Variants in MAML2 observed in about 807,000 individuals in gnomAD.
MAML2 encodes mastermind like transcriptional coactivator 2, also known as mastermind-like protein 2.
Under a neutral mutation model 96.1 loss-of-function variants are expected in MAML2, and 22 were observed. The ratio of observed to expected loss-of-function variants is 0.23; its 90% CI spans 0.16 to 0.33. MAML2 has a LOEUF of 0.33. Ranked by LOEUF, MAML2 falls within the 10% of genes least tolerant of loss-of-function variation. The probability of loss-of-function intolerance (pLI) is 1.00; values close to 1 mark genes in which losing one functional copy is unlikely to be tolerated. For synonymous variants in MAML2, 561 were observed against 521.3 expected (o/e 1.08, Z -1.04); for missense variants, 1,367 against 1,392.4 (o/e 0.98, Z 0.29).
At chr11:95,982,303 G>A (rs530945809) in intron 4 of MAML2, among the ~76,000 whole-genome samples, 6 of 146,662 alleles carry the variant, frequency 4.1e-5, no homozygotes, top group African/African-American at 9.9e-5. Flanking sequence ...ATATTCCTTC[G>A]AAACAGAGCT....
At chr11:96,141,068 A>G (rs1039981208) in intron 1 of MAML2, among the ~76,000 whole-genome samples, 1 of 152,142 alleles carries the variant, frequency 6.6e-6, no homozygotes, top group Non-Finnish European at 1.5e-5. Flanking sequence ...CATACTGTTG[A>G]CCATATCTTT....
intron 1 of MAML2, among the ~76,000 whole-genome samples, chr11:96,163,181 C>A (rs1861140526): frequency 1.3e-5 from 2 of 152,136 alleles, no homozygotes; most frequent in South Asian, 4.1e-4. Flanking sequence ...ACTGTCTCGG[C>A]AGTTTAAGTA....
At chr11:96,080,814 T>C (rs1162504375) in intron 2 of MAML2, among the ~76,000 whole-genome samples, 5 of 152,230 alleles carry the variant, frequency 3.3e-5, no homozygotes, top group Admixed American at 2.6e-4. Flanking sequence ...AGTTTTGTTC[T>C]ATCTGAAGGA....
At chr11:96,116,231 T>A (rs970515078) in intron 1 of MAML2, among the ~76,000 whole-genome samples, 12 of 152,194 alleles carry the variant, frequency 7.9e-5, no homozygotes, top group Non-Finnish European at 1.3e-4. Flanking sequence ...TGCTTTTTAT[T>A]CCTCATCAGA....
rs1190333198 is a variant in MAML2 at position 96,091,984 on chromosome 11, G to T, written c.2047C>A (p.Pro683Thr). ...AGGAGCTTTTGCTGAAGTGGCAAAG[G>T]TGACCTTAGCAAAGGCTGGCTTGGT... ...SLPSQPLLRS[P>T]LPLQQKLLLQ... The change falls in exon 2 of 5, where the codon CCT becomes ACT. Residue 683 changes from proline to threonine, a missense_variant. By Grantham distance (38) the Pro-to-Thr change is conservative. Transcript: ENST00000524717. 2.2e-5 allele frequency: 35 copies of T among 1,601,048 alleles called. No individual in the cohort carries two copies. Among genetic ancestry groups the T allele is most frequent in the Non-Finnish European group, 2.9e-5 (34 of 1,173,436 alleles).
intron 1 of MAML2, among the ~76,000 whole-genome samples, chr11:96,270,906 A>G (rs1862908271): frequency 6.6e-6 from 1 of 152,226 alleles, no homozygotes; most frequent in African/African-American, 2.4e-5. Context: ...GTGGGTAGGT[A>G]CCATCTAATC....
chr11:96,037,039 T>C (rs1365413553), intron 2 of MAML2, among the ~76,000 whole-genome samples: 1 of 152,238 alleles, frequency 6.6e-6, no homozygotes, highest in Non-Finnish European at 1.5e-5. Flanking sequence ...AGGTTGTTCC[T>C]GCACTGCCGT....
At chr11:96,321,737 G>C (rs1395132830) in intron 1 of MAML2, among the ~76,000 whole-genome samples, 1 of 152,150 alleles carries the variant, frequency 6.6e-6, no homozygotes. Flanking sequence ...TTCTGTTCTG[G>C]TCAATCATAT....
chr11:96,088,919 G>T (rs1409220876), intron 2 of MAML2, among the ~76,000 whole-genome samples: 8 of 152,016 alleles, frequency 5.3e-5, no homozygotes, highest in Non-Finnish European at 1.0e-4. Flanking sequence ...TCTATGAGGT[G>T]AACTGCAAGC....
intron 1 of MAML2, among the ~76,000 whole-genome samples, chr11:96,125,942 G>C (rs1860431279): frequency 6.6e-6 from 1 of 152,208 alleles, no homozygotes; most frequent in Non-Finnish European, 1.5e-5. Context: ...GGCAGAACAA[G>C]AGTGGCAAAG....
intron 1 of MAML2, among the ~76,000 whole-genome samples, chr11:96,333,121 G>A (rs1863875233): frequency 6.6e-6 from 1 of 152,130 alleles, no homozygotes; most frequent in African/African-American, 2.4e-5. Flanking sequence ...ACAGTTATTA[G>A]AGGGCTGGAT....
chr11:96,251,035 GC>G (rs1862575611), intron 1 of MAML2, among the ~76,000 whole-genome samples: 1 of 152,130 alleles, frequency 6.6e-6, no homozygotes, highest in African/African-American at 2.4e-5. Flanking sequence ...TAAAACAAAT[GC>G]CAAAGTTTTT....
chr11:96,170,467 G>C (rs1164123735), intron 1 of MAML2, among the ~76,000 whole-genome samples: 1 of 152,154 alleles, frequency 6.6e-6, no homozygotes, highest in Non-Finnish European at 1.5e-5. Flanking sequence ...CACAGATACA[G>C]TTTGCTTTCT....
intron 1 of MAML2, among the ~76,000 whole-genome samples, chr11:96,240,560 A>C (rs60425052): frequency 0.025 from 2,310 of 91,176 alleles, 56 homozygotes; most frequent in East Asian, 0.031. Context: ...TCCGTCTCAA[A>C]AAAAAAAAAA....
chr11:96,310,775 T>C (rs1229635421), intron 1 of MAML2, among the ~76,000 whole-genome samples: 2 of 152,326 alleles, frequency 1.3e-5, no homozygotes, highest in East Asian at 1.9e-4. Flanking sequence ...AGGGAAAATA[T>C]GGTCAACTCT....
chr11:96,023,726 A>G (rs1324199640), intron 2 of MAML2, among the ~76,000 whole-genome samples: 1 of 152,196 alleles, frequency 6.6e-6, no homozygotes, highest in African/African-American at 2.4e-5. Flanking sequence ...CTTTTCCTAT[A>G]CAAGTAGTTC....
intron 2 of MAML2, among the ~76,000 whole-genome samples, chr11:96,032,452 T>C (rs2135747154): frequency 6.6e-6 from 1 of 152,110 alleles, no homozygotes. Flanking sequence ...CCGGGCGTGA[T>C]GGCAGGTGCC....
At chr11:96,036,272 G>T (rs568304093) in intron 2 of MAML2, among the ~76,000 whole-genome samples, 2 of 152,208 alleles carry the variant, frequency 1.3e-5, no homozygotes, top group Admixed American at 6.5e-5. Flanking sequence ...TAGGTATAGG[G>T]CCCAAGAAAA....
intron 1 of MAML2, among the ~76,000 whole-genome samples, chr11:96,164,041 T>G (rs1332244254): frequency 6.6e-6 from 1 of 151,842 alleles, no homozygotes; most frequent in East Asian, 1.9e-4. Context: ...TTTTTGTTTT[T>G]TTTTGGTATT....
Sources: allele counts gnomAD v4.1 joint callset (sites outside exome capture counted in the v4.1 genomes callset), GRCh38; gene constraint gnomAD v4.1.1; transcripts MANE v1.5; gene names NCBI Gene and HGNC (gene_info 2026-07-23, HGNC 2026-07-21).